COP1: variants seen among roughly 807,000 people sequenced by gnomAD.
COP1 encodes E3 ubiquitin-protein ligase COP1.
In COP1, 24 loss-of-function variants were observed where a neutral mutation model predicts 101.3. The observed-to-expected ratio is 0.24, with a 90% CI of 0.17 to 0.33. The LOEUF is 0.33. COP1 is among the 10% of genes least tolerant of loss of function. COP1 has a pLI of 1.00. For missense variants in COP1, 663 were observed against 906.2 expected (o/e 0.73, Z 3.45); for synonymous variants, 347 against 341.9 (o/e 1.01, Z -0.17).
At chr1:176,133,812 G>A (rs1381061839) in intron 8 of COP1, 1 of 447,832 alleles carries the variant, frequency 2.2e-6, no homozygotes, top group African/African-American at 2.0e-5. Context: ...AACTTTTTGT[G>A]ATGTGACAAC....
At chr1:176,142,953 G>C (rs1278767142) in intron 6 of COP1, among the ~76,000 whole-genome samples, 1 of 151,592 alleles carries the variant, frequency 6.6e-6, no homozygotes, top group Non-Finnish European at 1.5e-5. Context: ...CAACAGATTA[G>C]GAAGGAACAA....
chr1:176,076,673 G>T (rs189890004), intron 11 of COP1, among the ~76,000 whole-genome samples: 1 of 151,894 alleles, frequency 6.6e-6, no homozygotes, highest in Admixed American at 6.6e-5. Context: ...AGATAAATAA[G>T]ACCAAGAGTT....
chr1:175,960,271 A>G (rs1558162825), intron 18 of COP1, among the ~76,000 whole-genome samples: 2 of 152,194 alleles, frequency 1.3e-5, no homozygotes, highest in African/African-American at 4.8e-5. Flanking sequence ...CAAAGCTCTA[A>G]CGCTTCTAGA....
At chr1:176,103,459 G>A (rs1358846564) in intron 9 of COP1, among the ~76,000 whole-genome samples, 15 of 152,306 alleles carry the variant, frequency 9.8e-5, no homozygotes, top group African/African-American at 3.6e-4. Flanking sequence ...GATCAGGAGA[G>A]CATGCATGCC....
rs753278498 is a variant in COP1 at position 176,149,081 on chromosome 1, T to C, written c.763-7A>G. On this transcript the variant is annotated splice_polypyrimidine_tract_variant and splice_region_variant and intron_variant, in intron 5 of 19. Coordinates refer to ENST00000367669, the MANE Select transcript of COP1 (RefSeq NM_022457.7). Reference sequence around the variant, plus strand: ...GTTGGGCTGCATGTGATTCCTACAATAGAAAATTATAATTTTTCTTTTAAA... The same window carrying C: ...GTTGGGCTGCATGTGATTCCTACAACAGAAAATTATAATTTTTCTTTTAAA... 2.6e-6 allele frequency: 4 copies of C among 1,548,662 alleles called. No individual in the cohort carries two copies. The highest frequency in any genetic ancestry group is 2.6e-6 in the Non-Finnish European group (3 of 1,135,032).
chr1:176,197,246 C>G (rs1258660836), intron 1 of COP1, among the ~76,000 whole-genome samples: 2 of 152,086 alleles, frequency 1.3e-5, no homozygotes, highest in East Asian at 1.9e-4. Flanking sequence ...ACCCTCATCT[C>G]TATTAAAAAC....
chr1:176,067,584 T>C (rs1676221863), intron 11 of COP1, among the ~76,000 whole-genome samples: 1 of 152,026 alleles, frequency 6.6e-6, no homozygotes, highest in Non-Finnish European at 1.5e-5. Flanking sequence ...GGAAACCCAC[T>C]TTCCCACTCT....
intron 9 of COP1, among the ~76,000 whole-genome samples, chr1:176,088,272 C>T (rs902485737): frequency 1.3e-5 from 2 of 151,694 alleles, no homozygotes; most frequent in African/African-American, 2.4e-5. Context: ...AAAGAATGAG[C>T]TGCTGATACA....
chr1:176,133,581 G>A (rs1249622742), intron 8 of COP1, among the ~76,000 whole-genome samples: 1 of 151,820 alleles, frequency 6.6e-6, no homozygotes, highest in Non-Finnish European at 1.5e-5. Context: ...AAGGGACGAG[G>A]ACTTTGTCAG....
intron 15 of COP1, among the ~76,000 whole-genome samples, chr1:176,008,948 T>C (rs372898516): frequency 1.3e-5 from 2 of 152,212 alleles, no homozygotes; most frequent in East Asian, 1.9e-4. Flanking sequence ...TGTGTGTATG[T>C]TGTGGAATGC....
chr1:176,054,234 C>T (rs919294780), intron 11 of COP1, among the ~76,000 whole-genome samples: 1 of 150,666 alleles, frequency 6.6e-6, no homozygotes, highest in Non-Finnish European at 1.5e-5. Context: ...GATCTCGGCT[C>T]ACTGCAACCT....
chr1:176,112,634 A>AT (rs1173700450), intron 9 of COP1, among the ~76,000 whole-genome samples: 2 of 152,166 alleles, frequency 1.3e-5, no homozygotes, highest in African/African-American at 4.8e-5. Flanking sequence ...TCCCTACTGT[A>AT]TTATCAAATG....
intron 5 of COP1, among the ~76,000 whole-genome samples, chr1:176,158,546 T>C (rs1693814961): frequency 6.7e-6 from 1 of 150,062 alleles, no homozygotes; most frequent in South Asian, 2.1e-4. Flanking sequence ...GTGGAATATA[T>C]AACACATTTA....
chr1:176,099,914 T>C (rs920344077), intron 9 of COP1, among the ~76,000 whole-genome samples: 1 of 152,192 alleles, frequency 6.6e-6, no homozygotes, highest in Non-Finnish European at 1.5e-5. Flanking sequence ...AACTGATGGC[T>C]GGGCTTGGCT....
intron 15 of COP1, among the ~76,000 whole-genome samples, chr1:176,019,497 A>G (rs1324454058): frequency 7.2e-6 from 1 of 139,128 alleles, no homozygotes; most frequent in African/African-American, 2.6e-5. Flanking sequence ...TAATAATAAT[A>G]ATAATAATAA....
intron 3 of COP1, among the ~76,000 whole-genome samples, chr1:176,170,545 T>C (rs1695881011): frequency 6.6e-6 from 1 of 152,200 alleles, no homozygotes; most frequent in Non-Finnish European, 1.5e-5. Flanking sequence ...TCTTTTTTTC[T>C]AAGCAGTAGG....
chr1:175,993,538 G>C (rs1050183152), intron 15 of COP1, among the ~76,000 whole-genome samples: 15 of 152,274 alleles, frequency 9.9e-5, no homozygotes, highest in African/African-American at 3.4e-4. Context: ...CCAATACAGA[G>C]AAGTGCTTAA....
intron 6 of COP1, among the ~76,000 whole-genome samples, chr1:176,140,939 A>C (rs2149773695): frequency 6.6e-6 from 1 of 152,286 alleles, no homozygotes; most frequent in East Asian, 1.9e-4. Context: ...AACTTTTAGA[A>C]ACATTTAACG....
intron 11 of COP1, among the ~76,000 whole-genome samples, chr1:176,052,097 C>T (rs1672669683): frequency 6.6e-6 from 1 of 152,136 alleles, no homozygotes; most frequent in Non-Finnish European, 1.5e-5. Flanking sequence ...CTGACTCACC[C>T]AGAGTAACTT....
Sources: gnomAD v4.1 joint callset for allele counts (sites outside exome capture counted in the v4.1 genomes callset) on GRCh38, gnomAD v4.1.1 for gene constraint, MANE v1.5 for transcripts, NCBI Gene and HGNC (gene_info 2026-07-23, HGNC 2026-07-21) for gene names.